CSMD2: variants seen among roughly 807,000 people sequenced by gnomAD.
CSMD2 encodes the protein CUB and Sushi multiple domains 2.
A neutral mutation model predicts 398.5 loss-of-function variants in CSMD2; 130 were observed. That is an observed-to-expected ratio of 0.33 (90% CI 0.28 to 0.38). The LOEUF is 0.38. CSMD2 is among the 10% of genes least tolerant of loss of function. CSMD2 has a pLI of 1.00. For missense variants in CSMD2, 3,829 were observed against 4,764.9 expected (o/e 0.80, Z 5.78); for synonymous variants, 1,828 against 1,908.5 (o/e 0.96, Z 1.10).
intron 3 of CSMD2, among the ~76,000 whole-genome samples, chr1:33,989,952 C>T (rs570732717): frequency 1.3e-4 from 20 of 152,146 alleles, no homozygotes; most frequent in African/African-American, 4.6e-4. Context: ...GAAAACGCAC[C>T]AAACTGTACA....
chr1:33,966,696 T>C (rs924005207), intron 3 of CSMD2, among the ~76,000 whole-genome samples: 3 of 152,208 alleles, frequency 2.0e-5, no homozygotes, highest in Admixed American at 2.0e-4. Context: ...AGTTTGATGG[T>C]GGCTCTGATT....
intron 3 of CSMD2, among the ~76,000 whole-genome samples, chr1:34,026,790 A>G (rs1180129890): frequency 6.6e-6 from 1 of 152,192 alleles, no homozygotes; most frequent in Non-Finnish European, 1.5e-5. Flanking sequence ...AATGGCAGGA[A>G]GACTGGAAAC....
At chr1:33,748,054 C>T (rs1391977978) in intron 13 of CSMD2, among the ~76,000 whole-genome samples, 2 of 152,144 alleles carry the variant, frequency 1.3e-5, no homozygotes, top group African/African-American at 4.8e-5. Context: ...CTTATTATAC[C>T]TGGAAGGAGA....
At chr1:33,902,539 A>G (rs1642823370) in intron 5 of CSMD2, among the ~76,000 whole-genome samples, 1 of 152,130 alleles carries the variant, frequency 6.6e-6, no homozygotes, top group Non-Finnish European at 1.5e-5. Context: ...TGGTCTGGGG[A>G]ATCACCTTGT....
intron 42 of CSMD2, among the ~76,000 whole-genome samples, chr1:33,604,975 C>A (rs950472555): frequency 1.3e-5 from 2 of 152,210 alleles, no homozygotes; most frequent in African/African-American, 2.4e-5. Flanking sequence ...TCACATGGAG[C>A]CTTCCCTTCC....
At chr1:33,813,872 C>T (rs559378295) in intron 9 of CSMD2, 6 of 152,740 alleles carry the variant, frequency 3.9e-5, no homozygotes, top group African/African-American at 1.4e-4. Flanking sequence ...CTAAGGAAAA[C>T]AAATCCTACT....
In CSMD2 at chr1:33,724,202, C is replaced by T; in HGVS notation, c.2996G>A (p.Gly999Asp). ...NCTWIIETSHGKGVFFTFHTF... is the reference protein window; with the variant it reads ...NCTWIIETSHDKGVFFTFHTF... The stretch of plus-strand genomic sequence containing the variant: ...CTATGGGCTGAAACACTCACCCTTG[C>T]CATGAGATGTTTCGATAATCCAGGT... Residue 999 changes from glycine (G) to aspartate (D), a missense_variant, in exon 19 of 71, where the codon GGC (glycine) becomes GAC (aspartate). Physicochemically the swap from Gly to Asp is moderately conservative, Grantham distance 94. Around this residue, in one of 5 missense-constraint regions of CSMD2, gnomAD observed 2,001 missense variants for 2,567.1 expected, o/e 0.78. Transcript: ENST00000373381. 1 of 1,609,356 alleles carries T rather than the reference C, an allele frequency of 6.2e-7. No homozygotes were observed. Among genetic ancestry groups the T allele is most frequent in the Non-Finnish European group, 8.5e-7 (1 of 1,175,682 alleles).
intron 13 of CSMD2, among the ~76,000 whole-genome samples, chr1:33,763,125 GACAC>G (rs993470715): frequency 4.6e-5 from 7 of 152,260 alleles, no homozygotes; most frequent in Non-Finnish European, 7.4e-5. Context: ...ATCTTGGCAT[GACAC>G]AAGTATTAGC....
At chr1:34,038,580 C>T (rs1483598) in intron 2 of CSMD2, among the ~76,000 whole-genome samples, 104,960 of 151,994 alleles carry the variant, frequency 0.69, 36,531 homozygotes, top group Admixed American at 0.76. Flanking sequence ...TCAGAATCTA[C>T]CCACAGCCTC....
intron 5 of CSMD2, among the ~76,000 whole-genome samples, chr1:33,865,789 C>G (rs1321627): frequency 0.84 from 127,330 of 152,224 alleles, 53,768 homozygotes; most frequent in African/African-American, 0.95. Flanking sequence ...TTTTCCCTGA[C>G]ATGGTTTGAC....
At chr1:34,018,222 G>T (rs1339333718) in intron 3 of CSMD2, among the ~76,000 whole-genome samples, 1 of 152,100 alleles carries the variant, frequency 6.6e-6, no homozygotes. Flanking sequence ...GCCAAATAAT[G>T]CTATTATACT....
At chr1:34,104,515 C>T (rs564530336) in intron 1 of CSMD2, among the ~76,000 whole-genome samples, 9 of 152,322 alleles carry the variant, frequency 5.9e-5, no homozygotes, top group African/African-American at 1.9e-4. Context: ...GCAGTTAGGG[C>T]TGTAGACTGG....
chr1:33,525,744 G>T (rs910503625), intron 65 of CSMD2, among the ~76,000 whole-genome samples: 3 of 152,226 alleles, frequency 2.0e-5, no homozygotes, highest in Admixed American at 1.3e-4. Context: ...GAGTGCAATG[G>T]TGTGATCTCG....
At chr1:33,861,452 C>T (rs1639499648) in intron 5 of CSMD2, 1 of 152,196 alleles carries the variant, frequency 6.6e-6, no homozygotes, top group African/African-American at 2.4e-5. Flanking sequence ...GACCAATGCT[C>T]CTGCCTGGAG....
intron 5 of CSMD2, among the ~76,000 whole-genome samples, chr1:33,884,101 C>CATGCCCA (rs1641422379): frequency 1.3e-5 from 2 of 152,048 alleles, no homozygotes; most frequent in Non-Finnish European, 2.9e-5. Flanking sequence ...GCAATCAACT[C>CATGCCCA]CATGCCCACC....
At chr1:33,864,261 A>G in intron 5 of CSMD2, 1 of 1,613,012 alleles carries the variant, frequency 6.2e-7, no homozygotes, top group African/African-American at 1.3e-5. Context: ...GCTGAATTAC[A>G]GAAACAAATT....
At chr1:33,884,320 A>G (rs1359562607) in intron 5 of CSMD2, among the ~76,000 whole-genome samples, 1 of 151,828 alleles carries the variant, frequency 6.6e-6, no homozygotes, top group East Asian at 1.9e-4. Flanking sequence ...TACCTCTGGC[A>G]TCCCAGGGGC....
rs778920929 is a variant in CSMD2, at chr1:33,772,672, G to A, written c.1743C>T (p.Asp581=). The change falls in exon 13 of 71, where the codon GAC becomes GAT. Residue 581 remains aspartate, a synonymous_variant. Coordinates refer to ENST00000373381, the MANE Select transcript of CSMD2 (RefSeq NM_001281956.2). ...CGGGCTGGCACTCAAACTTGAGTGT[G>A]TCACCGTGGTGAAACCGGGAGCCTT... is the stretch of plus-strand genomic sequence containing the variant. ...RREGSRFHHG[D]TLKFECQPAF... The A allele has an allele frequency of 4.3e-6, 7 of 1,614,078 alleles. No homozygotes were observed. The highest frequency in any genetic ancestry group is 2.2e-5 in the East Asian group (1 of 44,878).
At chr1:33,911,704 T>C (rs1333458126) in intron 5 of CSMD2, among the ~76,000 whole-genome samples, 2 of 152,336 alleles carry the variant, frequency 1.3e-5, no homozygotes, top group East Asian at 3.9e-4. Context: ...GGAAATTCTC[T>C]TTCCAAAAAC....
Sources: allele counts gnomAD v4.1 joint callset (sites outside exome capture counted in the v4.1 genomes callset), GRCh38; gene constraint gnomAD v4.1.1; regional missense constraint gnomAD v4.1.1; transcripts MANE v1.5; gene names NCBI Gene and HGNC (gene_info 2026-07-23, HGNC 2026-07-21).